Variants in DCLK2 observed in about 807,000 individuals in gnomAD.
The protein encoded by DCLK2 is serine/threonine-protein kinase DCLK2.
Under a neutral mutation model 78.4 loss-of-function variants are expected in DCLK2, and 31 were observed. The observed-to-expected ratio is 0.40, with a 90% CI of 0.30 to 0.53. The LOEUF (loss-of-function observed/expected upper bound fraction) is 0.53, where lower values mean the gene tolerates loss of function less well. Ranked by LOEUF, DCLK2 falls within the 20% of genes least tolerant of loss-of-function variation. DCLK2 has a pLI of 0.61. For missense variants in DCLK2, 872 were observed against 973.7 expected, an observed-to-expected ratio of 0.90 and a Z score of 1.39; for synonymous variants, 407 against 374.9, an observed-to-expected ratio of 1.09 and a Z score of -0.99.
chr4:150,175,191 T>TTATATATATTTATATA (rs747681195), intron 2 of DCLK2, among the ~76,000 whole-genome samples: 2 of 67,970 alleles, frequency 2.9e-5, no homozygotes, highest in African/African-American at 1.6e-4. Context: ...TATTTATAAT[T>TTATATATATTTATATA]TATCTATATA....
In DCLK2 at chr4:150,242,101, C is replaced by T. The variant is rs144545315; in HGVS notation, c.1778+1625C>T. Among the ~76,000 whole-genome samples the T allele has an allele frequency of 3.3e-3, 505 of 152,298 alleles. 4 individuals carry two copies. Among genetic ancestry groups the T allele is most frequent in the African/African-American group, 0.012 (485 of 41,548 alleles). On this transcript the variant is annotated intron_variant, in intron 12 of 15. Transcript: ENST00000296550. ...GAAAGGATTATCTTTTTAAAATTCTCGGTTTTCCCATTGCGTTGAACAATT... is the reference window on the plus strand; with the variant it reads ...GAAAGGATTATCTTTTTAAAATTCTTGGTTTTCCCATTGCGTTGAACAATT...
At chr4:150,184,118 A>G (rs1459866693) in intron 2 of DCLK2, among the ~76,000 whole-genome samples, 1 of 152,246 alleles carries the variant, frequency 6.6e-6, no homozygotes, top group Non-Finnish European at 1.5e-5. Flanking sequence ...CTGGAATTAT[A>G]GTGGTGAACA....
intron 5 of DCLK2, among the ~76,000 whole-genome samples, chr4:150,216,188 C>G (rs1157190976): frequency 6.6e-6 from 1 of 152,166 alleles, no homozygotes; most frequent in Non-Finnish European, 1.5e-5. Context: ...AAGAAGTTTA[C>G]CATAGGACCC....
At chr4:150,164,629 T>C (rs545891128) in intron 2 of DCLK2, among the ~76,000 whole-genome samples, 1 of 152,214 alleles carries the variant, frequency 6.6e-6, no homozygotes, top group African/African-American at 2.4e-5. Context: ...TGAAACCCCA[T>C]CTCTACTAAA....
chr4:150,235,346 A>G (rs1742414583), intron 10 of DCLK2, among the ~76,000 whole-genome samples: 2 of 152,234 alleles, frequency 1.3e-5, no homozygotes, highest in African/African-American at 4.8e-5. Flanking sequence ...TCACTTCTTC[A>G]GGAGAATTGG....
intron 10 of DCLK2, among the ~76,000 whole-genome samples, chr4:150,239,076 G>T (rs747527401): frequency 6.6e-6 from 1 of 152,134 alleles, no homozygotes; most frequent in Non-Finnish European, 1.5e-5. Flanking sequence ...CTAAATAAAG[G>T]TCAGTTTCTA....
intron 2 of DCLK2, among the ~76,000 whole-genome samples, chr4:150,132,465 A>G (rs1164457222): frequency 6.6e-6 from 1 of 152,228 alleles, no homozygotes; most frequent in Admixed American, 6.5e-5. Flanking sequence ...AATGCCAGGG[A>G]TGGTACAGTT....
intron 8 of DCLK2, among the ~76,000 whole-genome samples, chr4:150,227,329 T>C (rs746999647): frequency 6.6e-6 from 1 of 152,252 alleles, no homozygotes; most frequent in Non-Finnish European, 1.5e-5. Flanking sequence ...TTTTGGTGCA[T>C]ATTCTGTCTG....
chr4:150,165,184 A>T (rs990656378), intron 2 of DCLK2, among the ~76,000 whole-genome samples: 5 of 152,234 alleles, frequency 3.3e-5, no homozygotes, highest in Admixed American at 3.3e-4. Context: ...ACAACTGCTG[A>T]GGACTATGGG....
intron 1 of DCLK2, among the ~76,000 whole-genome samples, chr4:150,082,538 A>G (rs1184082350): frequency 6.6e-6 from 1 of 152,210 alleles, no homozygotes; most frequent in African/African-American, 2.4e-5. Context: ...ACTACACTAA[A>G]CCAGCAAGCA....
At chr4:150,079,743 T>A (rs937587436) in intron 1 of DCLK2, among the ~76,000 whole-genome samples, 1 of 152,228 alleles carries the variant, frequency 6.6e-6, no homozygotes, top group African/African-American at 2.4e-5. Flanking sequence ...TGTATTGAAG[T>A]GCAAACTGTT....
chr4:150,185,048 C>G (rs1737822115), intron 2 of DCLK2, among the ~76,000 whole-genome samples: 1 of 152,084 alleles, frequency 6.6e-6, no homozygotes, highest in African/African-American at 2.4e-5. Flanking sequence ...TGTATTAGTT[C>G]CTTCTCACAC....
chr4:150,170,079 G>A (rs1246466133), intron 2 of DCLK2, among the ~76,000 whole-genome samples: 1 of 152,170 alleles, frequency 6.6e-6, no homozygotes, highest in East Asian at 1.9e-4. Flanking sequence ...TTGAGACAGA[G>A]TCTCACTCTG....
intron 2 of DCLK2, among the ~76,000 whole-genome samples, chr4:150,170,644 G>A (rs1279396565): frequency 6.6e-6 from 1 of 152,158 alleles, no homozygotes; most frequent in African/African-American, 2.4e-5. Context: ...GTTCTTTATA[G>A]TTTACTTGGT....
intron 2 of DCLK2, among the ~76,000 whole-genome samples, chr4:150,171,599 C>T (rs373438044): frequency 1.8e-4 from 28 of 152,250 alleles, no homozygotes; most frequent in African/African-American, 5.8e-4. Flanking sequence ...AAGCAAATGT[C>T]GGGGTTGAGG....
At chr4:150,081,864 G>A (rs1387802808) in intron 1 of DCLK2, among the ~76,000 whole-genome samples, 1 of 150,744 alleles carries the variant, frequency 6.6e-6, no homozygotes, top group African/African-American at 2.4e-5. Context: ...CGGGTGTGGC[G>A]GCAGGCGCCT....
At chr4:150,198,167 T>C (rs889410047) in intron 4 of DCLK2, 64 bp downstream of exon 4, 1 of 1,441,922 alleles carries the variant, frequency 6.9e-7, no homozygotes. Flanking sequence ...CTGTTTTCTC[T>C]AATTTTTATG....
At chr4:150,229,972 C>T (rs1488629011) in intron 8 of DCLK2, among the ~76,000 whole-genome samples, 4 of 152,080 alleles carry the variant, frequency 2.6e-5, no homozygotes, top group Non-Finnish European at 2.9e-5. Context: ...AAATAGATAA[C>T]GTTTGTAACG....
At chr4:150,135,985 A>C (rs1249035855) in intron 2 of DCLK2, among the ~76,000 whole-genome samples, 1 of 152,174 alleles carries the variant, frequency 6.6e-6, no homozygotes, top group Non-Finnish European at 1.5e-5. Context: ...TGACCCAAGT[A>C]AAGTACAAAG....
Sources: allele counts gnomAD v4.1 joint callset (sites outside exome capture counted in the v4.1 genomes callset), GRCh38; gene constraint gnomAD v4.1.1; transcripts MANE v1.5; gene names NCBI Gene and HGNC (gene_info 2026-07-23, HGNC 2026-07-21).